Variants in TMEM8B observed in about 807,000 individuals in gnomAD.
The protein encoded by TMEM8B is nasopharyngeal carcinoma expressed 6.
Under a neutral mutation model 49.3 loss-of-function variants are expected in TMEM8B, and 29 were observed. The ratio of observed to expected loss-of-function variants is 0.59; its 90% CI spans 0.44 to 0.80. TMEM8B has a LOEUF of 0.80. Ranked by LOEUF, TMEM8B falls within the 30% of genes least tolerant of loss-of-function variation. TMEM8B has a pLI of 0.00. For missense variants in TMEM8B, 575 were observed against 658.5 expected (o/e 0.87, Z 1.39); for synonymous variants, 264 against 272.8 (o/e 0.97, Z 0.32).
At chr9:35,845,320 C>A (rs1249257471) in intron 6 of TMEM8B, 2 of 865,460 alleles carry the variant, frequency 2.3e-6, no homozygotes, top group Non-Finnish European at 2.8e-6. Context: ...TTTTAAGTTT[C>A]CCTCAGGCAT....
chr9:35,849,826 A>T (rs1831976709), intron 10 of TMEM8B, among the ~76,000 whole-genome samples: 1 of 152,234 alleles, frequency 6.6e-6, no homozygotes, highest in African/African-American at 2.4e-5. Context: ...AACCATCAGG[A>T]CAAAGATATC....
chr9:35,837,929 T>C (rs765478942), intron 3 of TMEM8B, among the ~76,000 whole-genome samples: 2 of 152,130 alleles, frequency 1.3e-5, no homozygotes, highest in Non-Finnish European at 1.5e-5. Context: ...GAGGGGAAAG[T>C]ACTCCCAAAT....
chr9:35,842,680 G>C lies in TMEM8B; in HGVS notation c.1598G>C (p.Ser533Thr). The change falls in exon 6 of 13, where the codon AGT becomes ACT. Residue 533 changes from serine (S) to threonine (T), a missense_variant. Ser to Thr is a moderately conservative substitution (Grantham distance 58, BLOSUM62 1). Coordinates refer to ENST00000643932, the MANE Select transcript of TMEM8B (RefSeq NM_001042590.4). The surrounding 1 kb of genome is among the most constrained non-coding windows in gnomAD (Gnocchi z 5.6). ...FAMRLLPVLD[S>T]GGVLSLELQL... Reference sequence around the variant, plus strand: ...ATGAGGCTGTTGCCAGTGCTGGACAGTGGAGGCGTCCTCAGCCTGGAGCTC... The same window carrying C: ...ATGAGGCTGTTGCCAGTGCTGGACACTGGAGGCGTCCTCAGCCTGGAGCTC... The C allele has an allele frequency of 6.2e-7, 1 of 1,613,978 alleles. No homozygotes were observed. The highest frequency in any genetic ancestry group is 8.5e-7 in the Non-Finnish European group (1 of 1,179,906).
chr9:35,846,739 G>C lies in TMEM8B; in HGVS notation c.1997-78G>C, dbSNP rs1831627425. The C allele has an allele frequency of 5.2e-6, 8 of 1,549,092 alleles. No individual in the cohort carries two copies. In the South Asian group the frequency reaches 9.7e-5, roughly 19 times the overall value. Reference sequence around the variant, plus strand: ...GACGGGTTTGGCAGAGCCGGGGTGAGACCACCCTCCACAAGCTGTGGCGTA... The same window carrying C: ...GACGGGTTTGGCAGAGCCGGGGTGACACCACCCTCCACAAGCTGTGGCGTA... On this transcript the variant is annotated intron_variant, in intron 9 of 12. Coordinates refer to ENST00000643932, the MANE Select transcript of TMEM8B (RefSeq NM_001042590.4).
At chr9:35,835,289 C>A (rs1027920473) in intron 3 of TMEM8B, 71 bp downstream of exon 3, 3 of 409,732 alleles carry the variant, frequency 7.3e-6, no homozygotes, top group African/African-American at 6.2e-5. Flanking sequence ...CCCCCACAGG[C>A]TCTCTGGCAC....
chr9:35,854,862 C>T lies in TMEM8B; in HGVS notation c.*1022C>T, dbSNP rs1564052300. ...TTGAGCCCCCATTTTTCCTGAGTGCCAGAAAAGATCATTTGTCCATTTGGG... is the reference window on the plus strand; with the variant it reads ...TTGAGCCCCCATTTTTCCTGAGTGCTAGAAAAGATCATTTGTCCATTTGGG... On this transcript the variant is annotated 3_prime_UTR_variant, in exon 13 of 13. Coordinates refer to ENST00000643932, the MANE Select transcript of TMEM8B (RefSeq NM_001042590.4). 1 of 152,146 alleles carries T rather than the reference C, an allele frequency of 6.6e-6. No homozygotes were observed. Among genetic ancestry groups the T allele is most frequent in the Non-Finnish European group, 1.5e-5 (1 of 68,042 alleles). The allele number at this position is 152,146 out of a possible 1,614,324, so 9.4% of individuals were successfully genotyped here.
rs773924693 is a variant in TMEM8B, at chr9:35,847,099, C to T, written c.2175+104C>T. 7.4e-5 allele frequency: 120 copies of T among 1,614,214 alleles called. 1 individual carries two copies. In the Middle Eastern group the frequency reaches 1.5e-3, roughly 20 times the overall value. ...TCCGAGGGTTTGGGAATGTCTGTGC[C>T]TTCACTGTGTCTTCTACAGACAGAG... On this transcript the variant is annotated intron_variant, in intron 10 of 12. Coordinates refer to ENST00000643932, the MANE Select transcript of TMEM8B (RefSeq NM_001042590.4).
chr9:35,861,872 C>T lies in TMEM8B; in HGVS notation c.*8032C>T, dbSNP rs1259588846. The T allele has an allele frequency of 2.0e-5, 3 of 152,226 alleles. No homozygotes were observed. The highest frequency in any genetic ancestry group is 4.4e-5 in the Non-Finnish European group (3 of 68,088). 9.4% of individuals were successfully genotyped at this position (152,226 alleles called of 1,614,324 possible). On this transcript the variant is annotated 3_prime_UTR_variant, in exon 13 of 13. Coordinates refer to ENST00000643932, the MANE Select transcript of TMEM8B (RefSeq NM_001042590.4). The stretch of plus-strand genomic sequence containing the variant: ...ACCTCCTGGACAAGGGCTCCAGTGT[C>T]CTCCATGACACCAGCTTTCTCCAGA...
In TMEM8B at chr9:35,861,036, C is replaced by T. The variant is rs572442184; in HGVS notation, c.*7196C>T. On this transcript the variant is annotated 3_prime_UTR_variant, in exon 13 of 13. Coordinates refer to ENST00000643932, the MANE Select transcript of TMEM8B (RefSeq NM_001042590.4). ...TAGAACTGGAAAAATGTCTTATGGCCAGGTGGCCCCTGGTCTGAAGGAAAA... is the reference window on the plus strand; with the variant it reads ...TAGAACTGGAAAAATGTCTTATGGCTAGGTGGCCCCTGGTCTGAAGGAAAA... 2 of 152,198 alleles carry T rather than the reference C, an allele frequency of 1.3e-5. No individual in the cohort carries two copies. Among genetic ancestry groups the T allele is most frequent in the Non-Finnish European group, 2.9e-5 (2 of 68,066 alleles). The allele number at this position is 152,198 out of a possible 1,614,324, so 9.4% of individuals were successfully genotyped here. A position where few individuals can be genotyped will look rare whatever the true frequency, so the allele number is the denominator to read the frequency against.
At position 35,855,443 on chromosome 9, in the gene TMEM8B, G is replaced by C. The variant is rs1832490172; in HGVS notation, c.*1603G>C. 2 of 152,180 alleles carry C rather than the reference G, an allele frequency of 1.3e-5. No homozygotes were observed. Among genetic ancestry groups the C allele is most frequent in the African/African-American group, 4.8e-5 (2 of 41,358 alleles). 9.4% of individuals were successfully genotyped at this position (152,180 alleles called of 1,614,324 possible). On this transcript the variant is annotated 3_prime_UTR_variant, in exon 13 of 13. Coordinates refer to ENST00000643932, the MANE Select transcript of TMEM8B (RefSeq NM_001042590.4). The stretch of plus-strand genomic sequence containing the variant: ...AGTTTTGCTCTTGTTGCCCAGGCTG[G>C]AATGCAATGGTGCGATCTCAGCTCA...
At chr9:35,835,293 C>T (rs1830334730) in intron 3 of TMEM8B, 75 bp downstream of exon 3, 1 of 409,326 alleles carries the variant, frequency 2.4e-6, no homozygotes, top group African/African-American at 2.1e-5. Context: ...CACAGGCTCT[C>T]TGGCACACCA....
At position 35,846,625 on chromosome 9, in the gene TMEM8B, C is replaced by T. The variant is rs764915384; in HGVS notation, c.1996+14C>T. ...AGTGCAAGGCCGGTGAGCAGGCTGGCGAGGGAGCGGGCTGCGGTGGACTGG... is the reference window on the plus strand; with the variant it reads ...AGTGCAAGGCCGGTGAGCAGGCTGGTGAGGGAGCGGGCTGCGGTGGACTGG... On this transcript the variant is annotated intron_variant, in intron 9 of 12. Coordinates refer to ENST00000643932, the MANE Select transcript of TMEM8B (RefSeq NM_001042590.4). 5 of 1,572,218 alleles carry T rather than the reference C, an allele frequency of 3.2e-6. No individual in the cohort carries two copies. In the South Asian group the frequency reaches 3.4e-5, roughly 11 times the overall value.
Position 35,864,131 on chromosome 9 carries a change from C to G in TMEM8B, c.*10291C>G, listed in dbSNP as rs1435174768. ...CCTTTGTTCCTTTTCTGCTGTATGA[C>G]TTTGGTCAGATTTCTCCTTCTGAGA... is the stretch of plus-strand genomic sequence containing the variant. On this transcript the variant is annotated 3_prime_UTR_variant, in exon 13 of 13. Coordinates refer to ENST00000643932, the MANE Select transcript of TMEM8B (RefSeq NM_001042590.4). The G allele has an allele frequency of 6.6e-6, 1 of 152,192 alleles. No homozygotes were observed. The highest frequency in any genetic ancestry group is 1.9e-4 in the East Asian group (1 of 5,196). The allele number at this position is 152,192 out of a possible 1,614,324, so 9.4% of individuals were successfully genotyped here.
At position 35,853,553 on chromosome 9, in the gene TMEM8B, C is replaced by T. The variant is rs377669956; in HGVS notation, c.2488C>T (p.Arg830Cys). The T allele has an allele frequency of 1.1e-5, 18 of 1,614,082 alleles. No homozygotes were observed. The highest frequency in any genetic ancestry group is 4.5e-5 in the East Asian group (2 of 44,896). Residue 830 changes from arginine to cysteine, a missense_variant, in exon 13 of 13, where the codon CGC becomes TGC. By Grantham distance (180) the Arg-to-Cys change is radical. Coordinates refer to ENST00000643932, the MANE Select transcript of TMEM8B (RefSeq NM_001042590.4). This position sits in a 1 kb window ranked among gnomAD's most constrained non-coding sequence, Gnocchi z 4.2. ...RRHCYPPTWR[R>C]WLFYLCPGSL... ...GCACTGCTACCCACCCACGTGGCGC[C>T]GCTGGCTTTTCTACTTGTGCCCTGG...
Position 35,853,687 on chromosome 9 carries a change from C to A in TMEM8B, c.2622C>A (p.Gly874=), listed in dbSNP as rs368724435. The A allele has an allele frequency of 2.5e-5, 41 of 1,614,072 alleles. No homozygotes were observed. The highest frequency in any genetic ancestry group is 3.4e-5 in the Non-Finnish European group (40 of 1,180,034). The change falls in exon 13 of 13, where the codon GGC becomes GGA. Residue 874 remains glycine, a synonymous_variant. Coordinates refer to ENST00000643932, the MANE Select transcript of TMEM8B (RefSeq NM_001042590.4). The surrounding 1 kb of genome is among the most constrained non-coding windows in gnomAD (Gnocchi z 4.2). Reference sequence around the variant, plus strand: ...ATATGCTCATTGCGGGCAGTGTGGGCTTCCTGCTGCCCCCTCGTGCCAAGA... The same window carrying A: ...ATATGCTCATTGCGGGCAGTGTGGGATTCCTGCTGCCCCCTCGTGCCAAGA... ...IWHMLIAGSV[G]FLLPPRAKTD...
rs1423461996 is a variant in TMEM8B at position 35,857,169 on chromosome 9, C to A, written c.*3329C>A. 1 of 152,260 alleles carries A rather than the reference C, an allele frequency of 6.6e-6. No homozygotes were observed. The highest frequency in any genetic ancestry group is 2.4e-5 in the African/African-American group (1 of 41,466). The allele number at this position is 152,260 out of a possible 1,614,324, so 9.4% of individuals were successfully genotyped here. A position where few individuals can be genotyped will look rare whatever the true frequency, so the allele number is the denominator to read the frequency against. On this transcript the variant is annotated 3_prime_UTR_variant, in exon 13 of 13. Coordinates refer to ENST00000643932, the MANE Select transcript of TMEM8B (RefSeq NM_001042590.4). ...GGCTCAATCCCCACAGGGTGATGTT[C>A]TGAAAGCTTCTGAGTGACAATTCAG...
Position 35,860,736 on chromosome 9 carries a change from T to C in TMEM8B, c.*6896T>C, listed in dbSNP as rs1023009598. 1.3e-5 allele frequency: 2 copies of C among 152,252 alleles called. No homozygotes were observed. The highest frequency in any genetic ancestry group is 4.8e-5 in the African/African-American group (2 of 41,462). The allele number at this position is 152,252 out of a possible 1,614,324, so 9.4% of individuals were successfully genotyped here. A position where few individuals can be genotyped will look rare whatever the true frequency, so the allele number is the denominator to read the frequency against. On this transcript the variant is annotated 3_prime_UTR_variant, in exon 13 of 13. Coordinates refer to ENST00000643932, the MANE Select transcript of TMEM8B (RefSeq NM_001042590.4). ...TGGTCACAGGACTGAACTGTGGTCA[T>C]GAAAGCCAAGCAACTTACTTTCTGG...
chr9:35,834,461 G>A lies in TMEM8B; in HGVS notation c.509G>A (p.Gly170Glu). The A allele has an allele frequency of 2.4e-6, 1 of 415,662 alleles. No homozygotes were observed. Among genetic ancestry groups the A allele is most frequent in the South Asian group, 1.3e-4 (1 of 7,904 alleles). 25.7% of individuals were successfully genotyped at this position (415,662 alleles called of 1,614,324 possible). The change falls in exon 2 of 13, where the codon GGA (glycine) becomes GAA (glutamate). Residue 170 changes from glycine to glutamate, a missense_variant and splice_region_variant. Gly to Glu is a moderately conservative substitution (Grantham distance 98, BLOSUM62 -2). Transcript: ENST00000643932. ...CCTTTCTCTCTCTCCTGCTTCCCAGGAGGCCTTTTCCTGACTGATTACTCC... is the reference window on the plus strand; with the variant it reads ...CCTTTCTCTCTCTCCTGCTTCCCAGAAGGCCTTTTCCTGACTGATTACTCC... ...LLFSVLGPGA[G>E]GLFLTDYSTC...
rs775223493 is a variant in TMEM8B, at chr9:35,853,196, A to G, written c.2378A>G (p.His793Arg). 8.7e-6 allele frequency: 14 copies of G among 1,613,992 alleles called. No homozygotes were observed. Among genetic ancestry groups the G allele is most frequent in the Non-Finnish European group, 8.5e-6 (10 of 1,180,012 alleles). Residue 793 changes from histidine (H) to arginine (R), a missense_variant, in exon 12 of 13, where the codon CAT becomes CGT. Coordinates refer to ENST00000643932, the MANE Select transcript of TMEM8B (RefSeq NM_001042590.4). The surrounding 1 kb of genome is among the most constrained non-coding windows in gnomAD (Gnocchi z 4.2). Reference protein sequence around the residue: ...LLSMALQLDRHGLWNLLGPSL... With the variant: ...LLSMALQLDRRGLWNLLGPSL... ...TCCATGGCTCTGCAGCTTGACCGAC[A>G]TGGACTCTGGAACCTGCTTGGACCC... is the stretch of plus-strand genomic sequence containing the variant.
Sources: allele counts gnomAD v4.1 joint callset (sites outside exome capture counted in the v4.1 genomes callset), GRCh38; gene constraint gnomAD v4.1.1; non-coding constraint Gnocchi (gnomAD v3.1); transcripts MANE v1.5; gene names NCBI Gene and HGNC (gene_info 2026-07-23, HGNC 2026-07-21).